Variants in ANO5 observed in about 807,000 individuals in gnomAD.
ANO5 encodes anoctamin-5.
ANO5 carries 109 observed loss-of-function variants against 121.0 expected under a neutral mutation model. The observed-to-expected ratio is 0.90, with a 90% CI of 0.77 to 1.06. The LOEUF is 1.06. Among genes scored for constraint, ANO5 ranks in the 50% least tolerant of loss-of-function variants. ANO5 has a pLI of 0.00. For missense variants in ANO5, 1,064 were observed against 1,078.5 expected (o/e 0.99, Z 0.19); for synonymous variants, 406 against 359.9 (o/e 1.13, Z -1.45).
At position 22,282,791 on chromosome 11, in the gene ANO5, T is replaced by C. The variant is rs868679066; in HGVS notation, c.*3026T>C. ...ATGGATCTCTGTTGATTGACTCCAG[T>C]TGAAGGTGAGAAATCTGTACCAATC... On this transcript the variant is annotated 3_prime_UTR_variant, in exon 22 of 22. Coordinates refer to ENST00000324559, the MANE Select transcript of ANO5 (RefSeq NM_213599.3). 6.6e-6 allele frequency: 1 copy of C among 152,190 alleles called. No homozygotes were observed. Among genetic ancestry groups the C allele is most frequent in the African/African-American group, 2.4e-5 (1 of 41,458 alleles). The allele number at this position is 152,190 out of a possible 1,614,324, so 9.4% of individuals were successfully genotyped here.
At chr11:22,198,273 G>A (rs999655622) in intron 1 of ANO5, among the ~76,000 whole-genome samples, 1 of 152,192 alleles carries the variant, frequency 6.6e-6, no homozygotes, top group Admixed American at 6.5e-5. Context: ...TGGTATGGGA[G>A]CAGGTGGGAG....
At chr11:22,232,555 T>C (rs1026849691) in intron 7 of ANO5, among the ~76,000 whole-genome samples, 10 of 152,004 alleles carry the variant, frequency 6.6e-5, no homozygotes, top group African/African-American at 2.2e-4. Context: ...AATAATGCTC[T>C]TAATATTCAA....
At chr11:22,264,799 A>G (rs1430318247) in intron 17 of ANO5, among the ~76,000 whole-genome samples, 2 of 152,226 alleles carry the variant, frequency 1.3e-5, no homozygotes, top group South Asian at 2.1e-4. Flanking sequence ...GTGAAAAATT[A>G]TACCTTAAAT....
chr11:22,213,888 TG>T (rs1466703483), intron 3 of ANO5, among the ~76,000 whole-genome samples: 1 of 143,706 alleles, frequency 7.0e-6, no homozygotes, highest in African/African-American at 2.8e-5. Flanking sequence ...AGTGGTGTTT[TG>T]TTTTTTGTTT....
intron 5 of ANO5, 143 bp downstream of exon 5, chr11:22,221,353 A>G: frequency 2.8e-6 from 2 of 719,408 alleles, no homozygotes; most frequent in Non-Finnish European, 4.8e-6. Context: ...ATAACTGTAA[A>G]GTAGGCAGCC....
chr11:22,205,910 A>T (rs1852106344), intron 2 of ANO5, among the ~76,000 whole-genome samples: 1 of 152,108 alleles, frequency 6.6e-6, no homozygotes, highest in South Asian at 2.1e-4. Flanking sequence ...ACTATAATCC[A>T]CTCAACGTTA....
rs776633849 is a variant in ANO5, at chr11:22,274,751, AT to A, written c.2414+7del. On this transcript the variant is annotated splice_donor_5th_base_variant and intron_variant, in intron 20 of 21. Coordinates refer to ENST00000324559, the MANE Select transcript of ANO5 (RefSeq NM_213599.3). ...AACGAGACTTCATCACTTGCAGGTGATTTGTTTGTTTGTTTGTTTAGGTTTT... is the reference window on the plus strand; with the variant it reads ...AACGAGACTTCATCACTTGCAGGTGATTGTTTGTTTGTTTGTTTAGGTTTT... 5.6e-6 allele frequency: 9 copies of A among 1,612,558 alleles called. No individual in the cohort carries two copies. Among genetic ancestry groups the A allele is most frequent in the Admixed American group, 5.0e-5 (3 of 59,944 alleles).
chr11:22,194,794 C>T lies in ANO5; in HGVS notation c.40+1262C>T, dbSNP rs577459901. On this transcript the variant is annotated intron_variant, in intron 1 of 21. Coordinates refer to ENST00000324559, the MANE Select transcript of ANO5 (RefSeq NM_213599.3). ...CATCATTCTTATTAATTGCCAAATA[C>T]TATTCCGTTGTAGAGATATAGCATA... 4.3e-4 allele frequency among the ~76,000 whole-genome samples: 65 copies of T among 152,314 alleles called. 1 individual carries two copies. Among genetic ancestry groups the T allele is most frequent in the African/African-American group, 1.5e-3 (62 of 41,570 alleles).
intron 9 of ANO5, among the ~76,000 whole-genome samples, chr11:22,247,046 G>GCGT (rs1468849146): frequency 6.6e-6 from 1 of 152,040 alleles, no homozygotes; most frequent in Non-Finnish European, 1.5e-5. Flanking sequence ...ACACACAAAT[G>GCGT]CGTATTAGTT....
At position 22,240,404 on chromosome 11, in the gene ANO5, C is replaced by T. The variant is rs538371837; in HGVS notation, c.878+720C>T. On this transcript the variant is annotated intron_variant, in intron 9 of 21. Transcript: ENST00000324559. Reference sequence around the variant, plus strand: ...AGTGTTTTTTCCTTGATGATTTATACTTGCATTGCTATGCTTACACAGCAT... The same window carrying T: ...AGTGTTTTTTCCTTGATGATTTATATTTGCATTGCTATGCTTACACAGCAT... 6.6e-5 allele frequency among the ~76,000 whole-genome samples: 10 copies of T among 152,066 alleles called. No homozygotes were observed. The South Asian group carries it at 2.1e-3, about 32-fold the overall frequency.
rs1410747508 is a variant in ANO5, at chr11:22,193,473, C to T, written c.-20C>T. 2 of 1,610,168 alleles carry T rather than the reference C, an allele frequency of 1.2e-6. No individual in the cohort carries two copies. Among genetic ancestry groups the T allele is most frequent in the South Asian group, 1.1e-5 (1 of 89,972 alleles). On this transcript the variant is annotated 5_prime_UTR_variant, in exon 1 of 22. Coordinates refer to ENST00000324559, the MANE Select transcript of ANO5 (RefSeq NM_213599.3). ...TCCTGCTGCCTCTCAGGCACCAGTG[C>T]CATTAACGAGCTGGCGAAGATGGGC...
At position 22,272,856 on chromosome 11, in the gene ANO5, A is replaced by G. The variant is rs775918204; in HGVS notation, c.2102A>G (p.Asn701Ser). 2.0e-5 allele frequency: 33 copies of G among 1,613,974 alleles called. 1 individual carries two copies. The South Asian group carries it at 3.6e-4, about 18-fold the overall frequency. ...PLAPLLALIN[N>S]IVEIRVDAWK... ...GCTCCTCTTCTTGCTCTCATAAATA[A>G]TATTGTAGAGATTCGAGTGGATGCC... The change falls in exon 19 of 22, where the codon AAT becomes AGT. Residue 701 changes from asparagine to serine, a missense_variant. Asn to Ser is a conservative substitution (Grantham distance 46). Coordinates refer to ENST00000324559, the MANE Select transcript of ANO5 (RefSeq NM_213599.3).
intron 15 of ANO5, 73 bp from the exon 16 acceptor site, chr11:22,262,056 C>T: frequency 6.9e-7 from 1 of 1,454,524 alleles, no homozygotes; most frequent in Non-Finnish European, 9.6e-7. Flanking sequence ...TAGATGTTCA[C>T]TTGTCCTAGG....
intron 12 of ANO5, among the ~76,000 whole-genome samples, chr11:22,252,029 CAAAAAAAAAAAAAAAAAAAA>C (rs10525160): frequency 2.2e-5 from 1 of 45,820 alleles, no homozygotes; most frequent in South Asian, 1.8e-3. Context: ...GACGCCGTCT[CAAAAAAAAAAAAAAAAAAAA>C]AAAAAAAAAA....
At position 22,193,279 on chromosome 11, in the gene ANO5, G is replaced by T; in HGVS notation, c.-214G>T. 8.7e-7 allele frequency: 1 copy of T among 1,150,254 alleles called. No homozygotes were observed. The highest frequency in any genetic ancestry group is 3.8e-5 in the East Asian group (1 of 26,280). 71.3% of individuals were successfully genotyped at this position (1,150,254 alleles called of 1,614,324 possible). ...TCGAGTGGAAGTACCCGCCGGAGAG[G>T]AAGGCCGGCTGGCTGTGGCGCCCAG... is the stretch of plus-strand genomic sequence containing the variant. On this transcript the variant is annotated 5_prime_UTR_variant, in exon 1 of 22. Coordinates refer to ENST00000324559, the MANE Select transcript of ANO5 (RefSeq NM_213599.3).
Position 22,193,277 on chromosome 11 carries a change from A to G in ANO5, c.-216A>G. On this transcript the variant is annotated 5_prime_UTR_variant, in exon 1 of 22. Coordinates refer to ENST00000324559, the MANE Select transcript of ANO5 (RefSeq NM_213599.3). ...GGTCGAGTGGAAGTACCCGCCGGAGAGGAAGGCCGGCTGGCTGTGGCGCCC... is the reference window on the plus strand; with the variant it reads ...GGTCGAGTGGAAGTACCCGCCGGAGGGGAAGGCCGGCTGGCTGTGGCGCCC... 1 of 1,165,846 alleles carries G rather than the reference A, an allele frequency of 8.6e-7. No individual in the cohort carries two copies. Among genetic ancestry groups the G allele is most frequent in the Non-Finnish European group, 1.1e-6 (1 of 933,352 alleles). The allele number at this position is 1,165,846 out of a possible 1,614,324, so 72.2% of individuals were successfully genotyped here.
chr11:22,215,705 T>C (rs1388036509), intron 3 of ANO5, among the ~76,000 whole-genome samples: 1 of 152,006 alleles, frequency 6.6e-6, no homozygotes, highest in Non-Finnish European at 1.5e-5. Context: ...TCATTGGTTC[T>C]ACATTAAATA....
chr11:22,221,362 C>A, intron 5 of ANO5, 152 bp downstream of exon 5: 1 of 683,184 alleles, frequency 1.5e-6, no homozygotes. Flanking sequence ...AAGTAGGCAG[C>A]CTAAGAATAG....
intron 17 of ANO5, among the ~76,000 whole-genome samples, chr11:22,268,628 T>G (rs1590317765): frequency 6.6e-6 from 1 of 152,238 alleles, no homozygotes; most frequent in Non-Finnish European, 1.5e-5. Context: ...TTTATTTTAC[T>G]GGCTAAGATC....
Sources: allele counts gnomAD v4.1 joint callset (sites outside exome capture counted in the v4.1 genomes callset), GRCh38; gene constraint gnomAD v4.1.1; transcripts MANE v1.5; gene names NCBI Gene and HGNC (gene_info 2026-07-23, HGNC 2026-07-21).